Variants in ZNF286A observed in about 807,000 individuals in gnomAD.
ZNF286A encodes the protein zinc finger protein 286A.
A neutral mutation model predicts 49.3 loss-of-function variants in ZNF286A; 34 were observed. That is an observed-to-expected ratio of 0.69 (90% CI 0.52 to 0.92). The LOEUF (loss-of-function observed/expected upper bound fraction) is 0.92. Among genes scored for constraint, ZNF286A ranks in the 40% least tolerant of loss-of-function variants. ZNF286A has a pLI of 0.00. For missense variants in ZNF286A, 462 were observed against 600.2 expected, an observed-to-expected ratio of 0.77 and a Z score of 2.41; for synonymous variants, 155 against 200.4, an observed-to-expected ratio of 0.77 and a Z score of 1.91.
chr17:15,711,903 G>A (rs548728544), intron 5 of ZNF286A, among the ~76,000 whole-genome samples: 3 of 117,128 alleles, frequency 2.6e-5, no homozygotes, highest in African/African-American at 3.5e-5. Flanking sequence ...ATGGAGTCTC[G>A]CTCTATTGCC....
intron 5 of ZNF286A, among the ~76,000 whole-genome samples, chr17:15,713,249 A>G (rs1966874390): frequency 6.6e-6 from 1 of 152,218 alleles, no homozygotes; most frequent in African/African-American, 2.4e-5. Flanking sequence ...GAAATAAAAA[A>G]TTATAAACAT....
At chr17:15,711,600 C>A (rs1183779220) in intron 5 of ZNF286A, among the ~76,000 whole-genome samples, 1 of 152,120 alleles carries the variant, frequency 6.6e-6, no homozygotes, top group Non-Finnish European at 1.5e-5. Flanking sequence ...GGCTGGCAAG[C>A]TTTTTATGTA....
rs1177476408 is a variant in ZNF286A at position 15,716,885 on chromosome 17, T to C, written c.1161T>C (p.Cys387=). 5 of 1,609,854 alleles carry C rather than the reference T, an allele frequency of 3.1e-6. No homozygotes were observed. The highest frequency in any genetic ancestry group is 1.3e-5 in the African/African-American group (1 of 74,814). The change falls in exon 6 of 6, where the codon TGT becomes TGC. Residue 387 remains cysteine, a synonymous_variant. Transcript: ENST00000583566. ...TGEKPYKCQE[C]GKAFSHCSSL... Reference sequence around the variant, plus strand: ...AGAAACCTTATAAATGTCAAGAATGTGGGAAAGCCTTTAGCCATTGCTCAT... The same window carrying C: ...AGAAACCTTATAAATGTCAAGAATGCGGGAAAGCCTTTAGCCATTGCTCAT...
intron 5 of ZNF286A, among the ~76,000 whole-genome samples, chr17:15,709,565 G>A (rs943128229): frequency 3.9e-5 from 6 of 151,912 alleles, no homozygotes; most frequent in Non-Finnish European, 8.8e-5. Context: ...ATTATATCTT[G>A]AAATTGGTGT....
intron 3 of ZNF286A, among the ~76,000 whole-genome samples, chr17:15,703,408 T>C (rs909899846): frequency 6.6e-6 from 1 of 152,046 alleles, no homozygotes; most frequent in African/African-American, 2.4e-5. Flanking sequence ...TGGAGCTTTT[T>C]TTCTTGTTAG....
At chr17:15,709,806 TTTC>T (rs1990517958) in intron 5 of ZNF286A, 1 of 1,547,168 alleles carries the variant, frequency 6.5e-7, no homozygotes, top group Non-Finnish European at 8.7e-7. Context: ...GTTTATTTTT[TTTC>T]TGTTAGCAGT....
chr17:15,704,489 A>G (rs1990049367), intron 3 of ZNF286A: 8 of 1,613,742 alleles, frequency 5.0e-6, no homozygotes, highest in Admixed American at 1.7e-5. Context: ...GAGTTCTCCA[A>G]GAGCAGGCGG....
chr17:15,711,873 C>CCTT (rs1555565257), intron 5 of ZNF286A, among the ~76,000 whole-genome samples: 2 of 79,908 alleles, frequency 2.5e-5, no homozygotes, highest in African/African-American at 1.0e-4. Flanking sequence ...CCCCCCCCGG[C>CCTT]TTTTTTTTTT....
Position 15,716,204 on chromosome 17 carries a change from T to A in ZNF286A, c.480T>A (p.Asn160Lys), listed in dbSNP as rs1967041529. The change falls in exon 6 of 6, where the codon AAT becomes AAA. Residue 160 changes from asparagine to lysine, a missense_variant. By Grantham distance (94) the Asn-to-Lys change is moderately conservative. Coordinates refer to ENST00000583566, the MANE Select transcript of ZNF286A (RefSeq NM_001130842.2). ...TGGAAGCAGCCCTTGAATGTGAAAA[T>A]TGGTTAGAGAATCAGCAAGGAAATC... Reference protein sequence around the residue: ...SNLEAALECENWLENQQGNQE... With the variant: ...SNLEAALECEKWLENQQGNQE... 5 of 1,613,658 alleles carry A rather than the reference T, an allele frequency of 3.1e-6. No individual in the cohort carries two copies. The Admixed American group carries it at 6.7e-5, about 22-fold the overall frequency.
intron 3 of ZNF286A, among the ~76,000 whole-genome samples, chr17:15,702,233 G>T (rs1480513919): frequency 6.6e-6 from 1 of 152,034 alleles, no homozygotes; most frequent in African/African-American, 2.4e-5. Flanking sequence ...AAGAAGTTAG[G>T]GCTGGGCACG....
At position 15,719,262 on chromosome 17, in the gene ZNF286A, A is replaced by T. The variant is rs1032207428; in HGVS notation, c.*1972A>T. 3.8e-5 allele frequency: 5 copies of T among 132,908 alleles called. No individual in the cohort carries two copies. Among genetic ancestry groups the T allele is most frequent in the African/African-American group, 1.5e-4 (5 of 34,374 alleles). 8.2% of individuals were successfully genotyped at this position (132,908 alleles called of 1,614,324 possible). On this transcript the variant is annotated 3_prime_UTR_variant, in exon 6 of 6. Transcript: ENST00000583566. ...GACAAACTGTGGCCTGGACTCATGG[A>T]CCAACTCTGGCCCACCACCTGTTTC...
At chr17:15,715,251 A>G (rs998269778) in intron 5 of ZNF286A, among the ~76,000 whole-genome samples, 2 of 151,240 alleles carry the variant, frequency 1.3e-5, no homozygotes, top group African/African-American at 4.9e-5. Context: ...CAGTATAGGT[A>G]TTTGTACCCC....
chr17:15,704,708 G>A, intron 3 of ZNF286A: 1 of 1,613,890 alleles, frequency 6.2e-7, no homozygotes, highest in Non-Finnish European at 8.5e-7. Flanking sequence ...TTCCCCAGCA[G>A]GAGTTTCATG....
At chr17:15,699,886 C>G (rs559227309) in intron 1 of ZNF286A, 109 bp downstream of exon 1, 4 of 698,496 alleles carry the variant, frequency 5.7e-6, no homozygotes, top group East Asian at 2.7e-5. Flanking sequence ...AAAGGGGCCT[C>G]GAGGGCAGAC....
At chr17:15,703,041 C>T (rs919174004) in intron 3 of ZNF286A, among the ~76,000 whole-genome samples, 46 of 152,130 alleles carry the variant, frequency 3.0e-4, no homozygotes, top group Non-Finnish European at 5.9e-4. Context: ...CTGGGATTGA[C>T]TCTAATGGGG....
chr17:15,706,088 T>G (rs765760279), intron 3 of ZNF286A, among the ~76,000 whole-genome samples: 23 of 152,336 alleles, frequency 1.5e-4, no homozygotes, highest in Admixed American at 1.4e-3. Flanking sequence ...CATTGTTGAC[T>G]TATTGGTTCA....
At chr17:15,701,989 G>A (rs1375802577) in intron 3 of ZNF286A, among the ~76,000 whole-genome samples, 3 of 151,996 alleles carry the variant, frequency 2.0e-5, no homozygotes, top group Non-Finnish European at 4.4e-5. Flanking sequence ...AGGCATGGTG[G>A]CACGCACCTG....
rs778561795 is a variant in ZNF286A at position 15,716,176 on chromosome 17, A to G, written c.452A>G (p.Asn151Ser). 2.5e-6 allele frequency: 4 copies of G among 1,613,904 alleles called. No homozygotes were observed. Among genetic ancestry groups the G allele is most frequent in the Non-Finnish European group, 3.4e-6 (4 of 1,179,828 alleles). ...ACACGGAATAGTGTCTATGACTCTA[A>G]CTTGGAAGCAGCCCTTGAATGTGAA... ...RLTRNSVYDS[N>S]LEAALECENW... is the part of the protein sequence containing the mutation. The change falls in exon 6 of 6, where the codon AAC becomes AGC. Residue 151 changes from asparagine (N) to serine (S), a missense_variant. Physicochemically the swap from Asn to Ser is conservative, Grantham distance 46. Transcript: ENST00000583566.
intron 5 of ZNF286A, among the ~76,000 whole-genome samples, chr17:15,714,685 C>T (rs930206473): frequency 1.3e-5 from 2 of 152,040 alleles, no homozygotes; most frequent in African/African-American, 4.8e-5. Context: ...TCAGATTTTG[C>T]TCGTGAATGT....
Sources: allele counts gnomAD v4.1 joint callset (sites outside exome capture counted in the v4.1 genomes callset), GRCh38; gene constraint gnomAD v4.1.1; transcripts MANE v1.5; gene names NCBI Gene and HGNC (gene_info 2026-07-23, HGNC 2026-07-21).